The following ANKS3 variants were observed in gnomAD, a reference collection of about 807,000 sequenced individuals.
ANKS3 encodes ankyrin repeat and sterile alpha motif domain containing 3.
Under a neutral mutation model 80.7 loss-of-function variants are expected in ANKS3, and 62 were observed. The observed-to-expected ratio is 0.77, with a 90% CI of 0.63 to 0.95. The LOEUF (loss-of-function observed/expected upper bound fraction) is 0.95. ANKS3 is among the 40% of genes least tolerant of loss of function. The pLI, the probability that ANKS3 is intolerant of heterozygous loss-of-function variation, is 0.00. For synonymous variants in ANKS3, 489 were observed against 355.3 expected (o/e 1.38, Z -4.23); for missense variants, 1,150 against 883.6 (o/e 1.30, Z -3.82).
chr16:4,716,786 C>T (rs1230526638), intron 6 of ANKS3, among the ~76,000 whole-genome samples: 2 of 151,754 alleles, frequency 1.3e-5, no homozygotes, highest in South Asian at 2.1e-4. Context: ...TGTGGTGGTG[C>T]GTGCCTGTAT....
At chr16:4,705,636 T>A (rs1052503233) in intron 7 of ANKS3, among the ~76,000 whole-genome samples, 6 of 151,946 alleles carry the variant, frequency 3.9e-5, no homozygotes, top group Admixed American at 6.5e-5. Flanking sequence ...AGTGTTTTTT[T>A]TCTTTTCTTT....
chr16:4,696,993 G>A, intron 17 of ANKS3, 24 bp downstream of exon 17: 1 of 1,609,490 alleles, frequency 6.2e-7, no homozygotes, highest in Non-Finnish European at 8.5e-7. Context: ...CCACCACGCG[G>A]GATCCAGGCT....
At chr16:4,708,995 G>A (rs1335779586) in intron 7 of ANKS3, among the ~76,000 whole-genome samples, 2 of 152,050 alleles carry the variant, frequency 1.3e-5, no homozygotes, top group Admixed American at 6.6e-5. Context: ...GCCGGGCGCA[G>A]TGGCTCATGC....
rs2079965540 is a variant in ANKS3, at chr16:4,702,390, T to G, written c.869-148A>C. 1.6e-5 allele frequency: 14 copies of G among 877,100 alleles called. No individual in the cohort carries two copies. In the South Asian group the frequency reaches 3.8e-4, roughly 24 times the overall value. 54.3% of individuals were successfully genotyped at this position (877,100 alleles called of 1,614,324 possible). A position where few individuals can be genotyped will look rare whatever the true frequency, so the allele number is the denominator to read the frequency against. ...CTGGCATGGCTCTATCTGTGGTGTGTGGGTGGAAAAGATGCTCTGAGGGTC... is the reference window on the plus strand; with the variant it reads ...CTGGCATGGCTCTATCTGTGGTGTGGGGGTGGAAAAGATGCTCTGAGGGTC... On this transcript the variant is annotated intron_variant, in intron 8 of 17. Transcript: ENST00000304283.
At chr16:4,714,492 G>C (rs558121790) in intron 6 of ANKS3, among the ~76,000 whole-genome samples, 2 of 152,330 alleles carry the variant, frequency 1.3e-5, no homozygotes, top group South Asian at 4.1e-4. Context: ...CACCTTCTGC[G>C]CCTGGGCTGT....
rs781408628 is a variant in ANKS3 at position 4,697,384 on chromosome 16, T to A, written c.1843A>T (p.Met615Leu). 5.6e-6 allele frequency: 9 copies of A among 1,610,044 alleles called. No individual in the cohort carries two copies. The highest frequency in any genetic ancestry group is 7.6e-6 in the Non-Finnish European group (9 of 1,178,474). The change falls in exon 16 of 18, where the codon ATG becomes TTG. Residue 615 changes from methionine to leucine, a missense_variant. Transcript: ENST00000304283. ...SKGWQASLQAMSLPELSGALE... is the reference protein window; with the variant it reads ...SKGWQASLQALSLPELSGALE... ...GCTCCCGAGAGCTCGGGGAGGCTCA[T>A]GGCCTGCAGGGACGCTTGCCAGCCC...
chr16:4,697,570 G>A (rs2079636702), intron 15 of ANKS3, among the ~76,000 whole-genome samples, 154 bp from the exon 16 acceptor site: 1 of 152,212 alleles, frequency 6.6e-6, no homozygotes, highest in Non-Finnish European at 1.5e-5. Flanking sequence ...GCCGAGGCAG[G>A]GAAGCCCTGT....
intron 7 of ANKS3, among the ~76,000 whole-genome samples, chr16:4,713,316 T>TGAC (rs2080601831): frequency 6.6e-6 from 1 of 151,666 alleles, no homozygotes; most frequent in Non-Finnish European, 1.5e-5. Context: ...TCAAATGCAC[T>TGAC]GACAATATGC....
In ANKS3 at chr16:4,734,035, A is replaced by G; in HGVS notation, c.-168T>C. ...CCCCCACCACAACCACATAAAGAAA[A>G]TGTGGGGGCTCGGTCCTCCAGTCAC... On this transcript the variant is annotated 5_prime_UTR_variant, in exon 1 of 18. Transcript: ENST00000304283. 1.1e-5 allele frequency: 11 copies of G among 983,384 alleles called. No individual in the cohort carries two copies. The highest frequency in any genetic ancestry group is 1.3e-5 in the Non-Finnish European group (11 of 828,068). 60.9% of individuals were successfully genotyped at this position (983,384 alleles called of 1,614,324 possible).
chr16:4,698,469 C>A lies in ANKS3; in HGVS notation c.1682G>T (p.Trp561Leu). The change falls in exon 14 of 18, where the codon TGG (tryptophan) becomes TTG (leucine). Residue 561 changes from tryptophan to leucine, a missense_variant. Physicochemically the swap from Trp to Leu is moderately conservative, Grantham distance 61 (BLOSUM62 -2). Transcript: ENST00000304283. ...EDLQARLRETWALARDAALVL... is the reference protein window; with the variant it reads ...EDLQARLRETLALARDAALVL... ...GAGGGCAGCATCCCGGGCCAGGGCC[C>A]ACGTCTCCCGCAGCCGGGCCTGGAG... The A allele has an allele frequency of 6.5e-7, 1 of 1,546,868 alleles. No individual in the cohort carries two copies. The highest frequency in any genetic ancestry group is 8.7e-7 in the Non-Finnish European group (1 of 1,153,262).
intron 7 of ANKS3, among the ~76,000 whole-genome samples, chr16:4,708,608 TAAAC>T (rs1347767509): frequency 6.6e-6 from 1 of 152,094 alleles, no homozygotes; most frequent in East Asian, 1.9e-4. Context: ...GTTTTTCCAC[TAAAC>T]AGACAAAGTA....
chr16:4,727,019 G>C lies in ANKS3; in HGVS notation c.329C>G (p.Ser110Cys). ...PEGQTPLMLA[S>C]SCGNESIAYF... ...GGCGATGCTCTCGTTGCCACAGCTG[G>C]AGGCCAGCATCAGTGGAGTCTGCCC... is the stretch of plus-strand genomic sequence containing the variant. The change falls in exon 4 of 18, where the codon TCC (serine) becomes TGC (cysteine). Residue 110 changes from serine (S) to cysteine (C), a missense_variant. By Grantham distance (112) the Ser-to-Cys change is moderately radical (BLOSUM62 -1). Coordinates refer to ENST00000304283, the MANE Select transcript of ANKS3 (RefSeq NM_133450.4). 1 of 1,614,190 alleles carries C rather than the reference G, an allele frequency of 6.2e-7. No individual in the cohort carries two copies. The highest frequency in any genetic ancestry group is 8.5e-7 in the Non-Finnish European group (1 of 1,180,054).
chr16:4,731,392 G>C (rs2142175106), intron 2 of ANKS3, 120 bp downstream of exon 2: 1 of 152,806 alleles, frequency 6.5e-6, no homozygotes. Context: ...GGCTTCTTGA[G>C]CCTCAGCCAC....
chr16:4,706,313 C>A (rs552538467), intron 7 of ANKS3, among the ~76,000 whole-genome samples: 2 of 152,140 alleles, frequency 1.3e-5, no homozygotes, highest in African/African-American at 4.8e-5. Context: ...TCACTGCAAG[C>A]TCCACCTCCT....
rs201901719 is a variant in ANKS3, at chr16:4,698,850, C to T, written c.1501G>A (p.Ala501Thr). The T allele has an allele frequency of 3.0e-4, 482 of 1,606,576 alleles. 2 individuals carry two copies. In the East Asian group the frequency reaches 3.8e-3, roughly 13 times the overall value. The change falls in exon 13 of 18, where the codon GCC becomes ACC. Residue 501 changes from alanine to threonine, a missense_variant. Ala to Thr is a moderately conservative substitution (Grantham distance 58, BLOSUM62 0). Coordinates refer to ENST00000304283, the MANE Select transcript of ANKS3 (RefSeq NM_133450.4). Reference protein sequence around the residue: ...PPGDALELAYADRLEAEMQEL... With the variant: ...PPGDALELAYTDRLEAEMQEL... The stretch of plus-strand genomic sequence containing the variant: ...TGCATCTCAGCCTCCAGCCGGTCGG[C>T]GTAGGCCAGCTCCAGGGCATCCCCG...
At chr16:4,715,168 G>C (rs1392106678) in intron 6 of ANKS3, among the ~76,000 whole-genome samples, 1 of 151,996 alleles carries the variant, frequency 6.6e-6, no homozygotes, top group African/African-American at 2.4e-5. Flanking sequence ...ATGGCCAAGT[G>C]AGGTGGCTCA....
intron 3 of ANKS3, 132 bp from the exon 4 acceptor site, chr16:4,727,309 T>A: frequency 1.1e-6 from 1 of 917,464 alleles, no homozygotes; most frequent in Non-Finnish European, 1.7e-6. Flanking sequence ...CTGGACGTTG[T>A]GGGGATTGGA....
intron 6 of ANKS3, among the ~76,000 whole-genome samples, chr16:4,714,990 C>CAAAAAAAAAAAA (rs753327026): frequency 5.5e-5 from 2 of 36,626 alleles, no homozygotes; most frequent in African/African-American, 3.0e-4. Context: ...GACTCTGTCT[C>CAAAAAAAAAAAA]AAAAAAAAAA....
At position 4,701,521 on chromosome 16, in the gene ANKS3, G is replaced by T. The variant is rs780459454; in HGVS notation, c.1032C>A (p.Asn344Lys). Reference sequence around the variant, plus strand: ...TGCTGCTGCTCTGGACGGGCCCCAGGTTGGCACAGAAAGCATGTTCCTCTG... The same window carrying T: ...TGCTGCTGCTCTGGACGGGCCCCAGTTTGGCACAGAAAGCATGTTCCTCTG... Reference protein sequence around the residue: ...SSREEHAFCANLGPVQSSSSS... With the variant: ...SSREEHAFCAKLGPVQSSSSS... Residue 344 changes from asparagine (N) to lysine (K), a missense_variant, in exon 10 of 18, where the codon AAC (asparagine) becomes AAA (lysine). Asn to Lys is a moderately conservative substitution (Grantham distance 94, BLOSUM62 0). Transcript: ENST00000304283. The T allele has an allele frequency of 1.9e-6, 3 of 1,611,374 alleles. No individual in the cohort carries two copies. In the East Asian group the frequency reaches 6.7e-5, roughly 36 times the overall value.
Sources: gnomAD v4.1 joint callset for allele counts (sites outside exome capture counted in the v4.1 genomes callset) on GRCh38, gnomAD v4.1.1 for gene constraint, MANE v1.5 for transcripts, NCBI Gene and HGNC (gene_info 2026-07-23, HGNC 2026-07-21) for gene names.